The following PLA2G4C variants were observed in gnomAD, a reference collection of about 807,000 sequenced individuals.
PLA2G4C encodes phospholipase A2 group IVC.
PLA2G4C carries 64 observed loss-of-function variants against 73.8 expected under a neutral mutation model. The observed-to-expected ratio is 0.87, with a 90% CI of 0.71 to 1.07. PLA2G4C has a LOEUF of 1.07. Among genes scored for constraint, PLA2G4C ranks in the 50% least tolerant of loss-of-function variants. The pLI is 0.00. For missense variants in PLA2G4C, 622 were observed against 665.4 expected (o/e 0.93, Z 0.72); for synonymous variants, 254 against 252.1 (o/e 1.01, Z -0.07).
At chr19:48,089,320 G>A (rs966160023) in intron 8 of PLA2G4C, among the ~76,000 whole-genome samples, 33 of 152,194 alleles carry the variant, frequency 2.2e-4, no homozygotes, top group Non-Finnish European at 4.1e-4. Context: ...CCAGTTACTC[G>A]GGAGGAGAGT....
intron 12 of PLA2G4C, among the ~76,000 whole-genome samples, chr19:48,070,927 C>T (rs1163398134): frequency 1.6e-4 from 3 of 18,558 alleles, no homozygotes; most frequent in South Asian, 2.7e-3. Context: ...AATCCTGTCT[C>T]GGTTTCCGCC....
intron 1 of PLA2G4C, 49 bp from the exon 2 acceptor site, chr19:48,106,610 G>A: frequency 6.6e-7 from 1 of 1,503,972 alleles, no homozygotes; most frequent in Non-Finnish European, 9.3e-7. Flanking sequence ...GTTGGGCTTA[G>A]CAAAGACAGT....
rs138427424 is a variant in PLA2G4C, at chr19:48,053,140, A to G, written c.1437T>C (p.Ile479=). Residue 479 remains isoleucine (I), a synonymous_variant, in exon 16 of 17, where the codon ATT becomes ATC. Transcript: ENST00000599921. ...TGTCGTATGTGTCACTCCATGCCTC[A>G]ATATCACCTGAAGCATAACCAAACC... ...LFNIDACGGD[I]EAWSDTYDTF... The G allele has an allele frequency of 1.2e-3, 1,918 of 1,589,768 alleles. 15 individuals are homozygous for G. The highest frequency in any genetic ancestry group is 3.5e-3 in the East Asian group (153 of 44,160).
chr19:48,057,477 C>CTTTTTTT (rs1265460823), intron 14 of PLA2G4C, among the ~76,000 whole-genome samples: 6 of 16,884 alleles, frequency 3.6e-4, no homozygotes, highest in Non-Finnish European at 5.0e-4. Flanking sequence ...TCTTCTTCTT[C>CTTTTTTT]TTCTTCTTTT....
chr19:48,084,948 T>C, intron 10 of PLA2G4C, 111 bp downstream of exon 10: 2 of 762,472 alleles, frequency 2.6e-6, no homozygotes, highest in South Asian at 1.6e-5. Context: ...AATGTGGTTG[T>C]TAGAACCATT....
intron 4 of PLA2G4C, among the ~76,000 whole-genome samples, chr19:48,103,807 C>A (rs1286248886): frequency 6.6e-6 from 1 of 152,154 alleles, no homozygotes; most frequent in Non-Finnish European, 1.5e-5. Context: ...TATTATTATG[C>A]TTTGTCCATG....
At chr19:48,075,500 T>C (rs2030089626) in intron 11 of PLA2G4C, among the ~76,000 whole-genome samples, 1 of 152,022 alleles carries the variant, frequency 6.6e-6, no homozygotes, top group Admixed American at 6.6e-5. Context: ...CCCTCTTATT[T>C]TTATCCACAC....
intron 7 of PLA2G4C, among the ~76,000 whole-genome samples, chr19:48,093,744 C>A (rs565616513): frequency 1.1e-4 from 17 of 152,236 alleles, no homozygotes; most frequent in Non-Finnish European, 2.2e-4. Context: ...ATGTCCCCAC[C>A]CAAATCTCTC....
chr19:48,107,512 C>T (rs2122166958), intron 1 of PLA2G4C, among the ~76,000 whole-genome samples: 1 of 152,272 alleles, frequency 6.6e-6, no homozygotes, highest in South Asian at 2.1e-4. Flanking sequence ...TAGAGGGCCC[C>T]TTGGTCTTGG....
Position 48,098,152 on chromosome 19 carries a change from C to T in PLA2G4C, c.555G>A (p.Glu185=), listed in dbSNP as rs754344695. 25 of 1,613,482 alleles carry T rather than the reference C, an allele frequency of 1.5e-5. 1 individual carries two copies. Among genetic ancestry groups the T allele is most frequent in the Non-Finnish European group, 2.1e-5 (25 of 1,179,788 alleles). Residue 185 remains glutamate (E), a synonymous_variant, in exon 6 of 17, where the codon GAG becomes GAA. Transcript: ENST00000599921. The part of the protein sequence containing the change: ...IDNDLQPSWQ[E]ARAPETWFEF... ...ATGTTTGCTTACCTGGTGCTCTTGC[C>T]TCCTGCCAGGAAGGTTGCAGGTCAT...
chr19:48,091,709 T>G (rs1184455106), intron 7 of PLA2G4C, among the ~76,000 whole-genome samples: 2 of 151,554 alleles, frequency 1.3e-5, no homozygotes, highest in Non-Finnish European at 2.9e-5. Context: ...GCTAACATGG[T>G]GAAACCCTAT....
chr19:48,056,994 G>A (rs992525518), intron 14 of PLA2G4C, among the ~76,000 whole-genome samples: 11 of 152,020 alleles, frequency 7.2e-5, no homozygotes, highest in African/African-American at 1.7e-4. Context: ...GGTGGAGAGC[G>A]GGAGGAAGGA....
At chr19:48,098,899 C>G (rs2031757576) in intron 5 of PLA2G4C, among the ~76,000 whole-genome samples, 1 of 149,810 alleles carries the variant, frequency 6.7e-6, no homozygotes, top group Non-Finnish European at 1.5e-5. Context: ...GAAACCCTGT[C>G]TCAAGAATAA....
intron 6 of PLA2G4C, among the ~76,000 whole-genome samples, chr19:48,097,313 C>T (rs1295680425): frequency 1.7e-4 from 22 of 131,418 alleles, no homozygotes; most frequent in Admixed American, 9.7e-4. Context: ...AGTGCTGTGG[C>T]GCGATCTCAG....
chr19:48,053,194 C>A, intron 15 of PLA2G4C, 47 bp from the exon 16 acceptor site: 1 of 1,439,628 alleles, frequency 6.9e-7, no homozygotes, highest in Non-Finnish European at 9.5e-7. Context: ...TGAGTTTGGA[C>A]AATTAATTCT....
At chr19:48,089,992 A>C (rs1206804007) in intron 8 of PLA2G4C, among the ~76,000 whole-genome samples, 3 of 152,210 alleles carry the variant, frequency 2.0e-5, no homozygotes, top group African/African-American at 7.2e-5. Flanking sequence ...GCTAATGTTT[A>C]CTGAGTGCCG....
rs191285119 is a variant in PLA2G4C, at chr19:48,090,342, T to G, written c.763+22A>C. ...CATAAAATATCTCTAGGGTTTGACC[T>G]TTCTGTTCCCCAAATACTCACCAAA... is the stretch of plus-strand genomic sequence containing the variant. On this transcript the variant is annotated intron_variant, in intron 8 of 16. Transcript: ENST00000599921. The G allele has an allele frequency of 3.7e-3, 5,753 of 1,564,972 alleles. 19 individuals carry two copies. The highest frequency in any genetic ancestry group is 4.3e-3 in the Non-Finnish European group (4,892 of 1,135,434).
intron 14 of PLA2G4C, 70 bp downstream of exon 14, chr19:48,061,928 C>A: frequency 6.6e-7 from 1 of 1,518,922 alleles, no homozygotes; most frequent in Non-Finnish European, 9.1e-7. Flanking sequence ...GTCCTCAGTT[C>A]CTCCGCAAAG....
intron 14 of PLA2G4C, among the ~76,000 whole-genome samples, chr19:48,057,375 A>C (rs1407161379): frequency 1.3e-5 from 2 of 151,458 alleles, no homozygotes; most frequent in Admixed American, 1.3e-4. Flanking sequence ...TATGTACTCA[A>C]AGGTGGCTTC....
Sources: allele counts gnomAD v4.1 joint callset (sites outside exome capture counted in the v4.1 genomes callset), GRCh38; gene constraint gnomAD v4.1.1; transcripts MANE v1.5; gene names NCBI Gene and HGNC (gene_info 2026-07-23, HGNC 2026-07-21).